Variants in YIPF4 observed in about 807,000 individuals in gnomAD.
The protein encoded by YIPF4 is Yip1 domain family member 4, also known as protein YIPF4.
A neutral mutation model predicts 29.4 loss-of-function variants in YIPF4; 18 were observed. That is an observed-to-expected ratio of 0.61 (90% CI 0.42 to 0.91). The LOEUF is 0.91. YIPF4 is among the 40% of genes least tolerant of loss of function. YIPF4 has a pLI of 0.00. For missense variants in YIPF4, 279 were observed against 282.7 expected, an observed-to-expected ratio of 0.99 and a Z score of 0.09; for synonymous variants, 115 against 104.7, an observed-to-expected ratio of 1.10 and a Z score of -0.60.
At chr2:32,287,340 A>C (rs1343012735) in intron 1 of YIPF4, among the ~76,000 whole-genome samples, 2 of 152,174 alleles carry the variant, frequency 1.3e-5, no homozygotes, top group African/African-American at 2.4e-5. Context: ...TCTGTGGCAC[A>C]TATACACAAC....
Position 32,283,394 on chromosome 2 carries a change from C to T in YIPF4, c.79+5160C>T, listed in dbSNP as rs550302726. Among the ~76,000 whole-genome samples, 16 of 152,232 alleles carry T rather than the reference C, an allele frequency of 1.1e-4. No homozygotes were observed. In the East Asian group the frequency reaches 2.5e-3, roughly 24 times the overall value. ...GTATAACCTTCCTTCTAGATTCTGT[C>T]CAAATCCCTCATTCTTAATGATAGC... On this transcript the variant is annotated intron_variant, in intron 1 of 5. Transcript: ENST00000238831.
intron 3 of YIPF4, among the ~76,000 whole-genome samples, chr2:32,292,629 G>A (rs535136506): frequency 2.0e-5 from 3 of 152,126 alleles, no homozygotes; most frequent in Admixed American, 2.0e-4. Context: ...TTGGGAGGCC[G>A]AGGTGGGTGG....
At chr2:32,300,020 A>G (rs914078177) in intron 4 of YIPF4, among the ~76,000 whole-genome samples, 11 of 152,106 alleles carry the variant, frequency 7.2e-5, no homozygotes, top group Non-Finnish European at 1.5e-4. Flanking sequence ...TCATCCCAGC[A>G]CTTTGGGAGG....
intron 3 of YIPF4, among the ~76,000 whole-genome samples, chr2:32,294,512 G>A (rs978915338): frequency 3.3e-5 from 5 of 150,992 alleles, no homozygotes; most frequent in African/African-American, 7.3e-5. Flanking sequence ...ATGGGATGGC[G>A]GCCGGGAAGA....
chr2:32,289,697 T>G (rs973712917), intron 1 of YIPF4, among the ~76,000 whole-genome samples: 2 of 152,228 alleles, frequency 1.3e-5, no homozygotes, highest in African/African-American at 4.8e-5. Flanking sequence ...CATGATTATC[T>G]GTAACCCCTG....
chr2:32,297,734 G>T (rs879498587), intron 3 of YIPF4, among the ~76,000 whole-genome samples: 2 of 152,038 alleles, frequency 1.3e-5, no homozygotes, highest in Non-Finnish European at 2.9e-5. Context: ...TGCTACTGGG[G>T]TATTATTTCT....
chr2:32,284,532 T>C (rs2030571027), intron 1 of YIPF4, among the ~76,000 whole-genome samples: 1 of 152,170 alleles, frequency 6.6e-6, no homozygotes, highest in Non-Finnish European at 1.5e-5. Context: ...TGTCTCTCCC[T>C]CCTCTGGCCA....
intron 1 of YIPF4, among the ~76,000 whole-genome samples, chr2:32,289,604 T>G (rs1161497467): frequency 6.6e-6 from 1 of 152,176 alleles, no homozygotes; most frequent in Non-Finnish European, 1.5e-5. Context: ...CAAATGTGCT[T>G]TTTCTTTTTA....
At position 32,308,402 on chromosome 2, in the gene YIPF4, C is replaced by G. The variant is rs2031641197; in HGVS notation, c.*2776C>G. On this transcript the variant is annotated 3_prime_UTR_variant, in exon 6 of 6. Coordinates refer to ENST00000238831, the MANE Select transcript of YIPF4 (RefSeq NM_032312.4). ...GGGATTACAGGTGTCAGCCACCGCA[C>G]CAGGCCAGTTCATTAGAATTTTTAA... The G allele has an allele frequency of 6.6e-6, 1 of 152,274 alleles. No individual in the cohort carries two copies. The highest frequency in any genetic ancestry group is 1.5e-5 in the Non-Finnish European group (1 of 68,216). The allele number at this position is 152,274 out of a possible 1,614,324, so 9.4% of individuals were successfully genotyped here.
intron 4 of YIPF4, among the ~76,000 whole-genome samples, chr2:32,301,133 T>C (rs2031388700): frequency 6.6e-6 from 1 of 152,190 alleles, no homozygotes; most frequent in African/African-American, 2.4e-5. Flanking sequence ...AAGAGAGAGG[T>C]AAATGCTGGA....
chr2:32,305,777 T>C lies in YIPF4; in HGVS notation c.*151T>C. On this transcript the variant is annotated 3_prime_UTR_variant, in exon 6 of 6. Coordinates refer to ENST00000238831, the MANE Select transcript of YIPF4 (RefSeq NM_032312.4). ...CTAAGCGCTTTTTAAAACAATTTTTTTTTGTATTTAATTAAGCAATTGCAG... is the reference window on the plus strand; with the variant it reads ...CTAAGCGCTTTTTAAAACAATTTTTCTTTGTATTTAATTAAGCAATTGCAG... The C allele has an allele frequency of 8.0e-7, 1 of 1,248,354 alleles. No individual in the cohort carries two copies. The highest frequency in any genetic ancestry group is 1.0e-6 in the Non-Finnish European group (1 of 997,658). The allele number at this position is 1,248,354 out of a possible 1,614,324, so 77.3% of individuals were successfully genotyped here. A position where few individuals can be genotyped will look rare whatever the true frequency, so the allele number is the denominator to read the frequency against.
intron 2 of YIPF4, among the ~76,000 whole-genome samples, chr2:32,291,960 A>G (rs928177601): frequency 7.2e-5 from 11 of 152,232 alleles, no homozygotes; most frequent in Non-Finnish European, 4.4e-5. Context: ...GACGATTGTA[A>G]GACTCCAGTG....
In YIPF4 at chr2:32,292,321, C is replaced by T. The variant is rs2030954290; in HGVS notation, c.378C>T (p.Ser126=). 15 of 1,597,710 alleles carry T rather than the reference C, an allele frequency of 9.4e-6. No homozygotes were observed. The highest frequency in any genetic ancestry group is 1.3e-5 in the Non-Finnish European group (15 of 1,172,256). The change falls in exon 3 of 6, where the codon TCC becomes TCT. Residue 126 remains serine, a synonymous_variant. Transcript: ENST00000238831. ...WGPLAVVLFF[S]MISLYGQFRV... Reference sequence around the variant, plus strand: ...CTCTGGCTGTTGTTCTTTTCTTTTCCATGATATCATTATATGGACAGTTTA... The same window carrying T: ...CTCTGGCTGTTGTTCTTTTCTTTTCTATGATATCATTATATGGACAGTTTA...
chr2:32,278,076 C>G lies in YIPF4; in HGVS notation c.-80C>G. 2 of 1,277,026 alleles carry G rather than the reference C, an allele frequency of 1.6e-6. No homozygotes were observed. The highest frequency in any genetic ancestry group is 2.1e-6 in the Non-Finnish European group (2 of 933,296). 79.1% of individuals were successfully genotyped at this position (1,277,026 alleles called of 1,614,324 possible). On this transcript the variant is annotated 5_prime_UTR_variant, in exon 1 of 6. Coordinates refer to ENST00000238831, the MANE Select transcript of YIPF4 (RefSeq NM_032312.4). ...TAGGCCGCACCGTAGGGCGAGCGTG[C>G]GGGTCGCCGCCGCGGCCGCCTCGGG...
rs2030997858 is a variant in YIPF4 at position 32,293,197 on chromosome 2, G to A, written c.405+849G>A. ...TAAACAAGTGAACAAAGAAACAAGT[G>A]AACAAAGGTCTCTGGTTTTCCTAGG... On this transcript the variant is annotated intron_variant, in intron 3 of 5. Coordinates refer to ENST00000238831, the MANE Select transcript of YIPF4 (RefSeq NM_032312.4). Among the ~76,000 whole-genome samples the A allele has an allele frequency of 2.0e-5, 3 of 152,056 alleles. No individual in the cohort carries two copies. In the South Asian group the frequency reaches 6.2e-4, roughly 31 times the overall value.
chr2:32,306,090 C>A lies in YIPF4; in HGVS notation c.*464C>A. The A allele has an allele frequency of 1.3e-6, 1 of 792,014 alleles. No individual in the cohort carries two copies. Among genetic ancestry groups the A allele is most frequent in the Non-Finnish European group, 1.5e-6 (1 of 654,090 alleles). 49.1% of individuals were successfully genotyped at this position (792,014 alleles called of 1,614,324 possible). A position where few individuals can be genotyped will look rare whatever the true frequency, so the allele number is the denominator to read the frequency against. On this transcript the variant is annotated 3_prime_UTR_variant, in exon 6 of 6. Coordinates refer to ENST00000238831, the MANE Select transcript of YIPF4 (RefSeq NM_032312.4). ...ATATTTATGAAATAATTCTTACTCACAAAATATATTTCTGATAAACATTAA... is the reference window on the plus strand; with the variant it reads ...ATATTTATGAAATAATTCTTACTCAAAAAATATATTTCTGATAAACATTAA...
intron 1 of YIPF4, among the ~76,000 whole-genome samples, chr2:32,279,243 T>C (rs2030265572): frequency 6.6e-6 from 1 of 151,946 alleles, no homozygotes; most frequent in Admixed American, 6.6e-5. Context: ...AGTGCTGGGA[T>C]TACCGGCGTG....
chr2:32,306,313 T>G lies in YIPF4; in HGVS notation c.*687T>G. The G allele has an allele frequency of 1.0e-6, 1 of 985,756 alleles. No individual in the cohort carries two copies. 61.1% of individuals were successfully genotyped at this position (985,756 alleles called of 1,614,324 possible). On this transcript the variant is annotated 3_prime_UTR_variant, in exon 6 of 6. Coordinates refer to ENST00000238831, the MANE Select transcript of YIPF4 (RefSeq NM_032312.4). ...ATATATTTGGTTTGTTTGGGTATAC[T>G]TTTCAAAACCATTTTTGAATGTCCA... is the stretch of plus-strand genomic sequence containing the variant.
At position 32,311,630 on chromosome 2, in the gene YIPF4, G is replaced by A. The variant is rs117950989; in HGVS notation, c.*6004G>A. 6.6e-6 allele frequency: 1 copy of A among 152,266 alleles called. No individual in the cohort carries two copies. Among genetic ancestry groups the A allele is most frequent in the East Asian group, 1.9e-4 (1 of 5,190 alleles). The allele number at this position is 152,266 out of a possible 1,614,324, so 9.4% of individuals were successfully genotyped here. A position where few individuals can be genotyped will look rare whatever the true frequency, so the allele number is the denominator to read the frequency against. On this transcript the variant is annotated 3_prime_UTR_variant, in exon 6 of 6. Coordinates refer to ENST00000238831, the MANE Select transcript of YIPF4 (RefSeq NM_032312.4). ...AAAATATTTTGAAGTTGTAATTAGT[G>A]TATATACAAGTTGTTAATACTTACG...
Sources: allele counts gnomAD v4.1 joint callset (sites outside exome capture counted in the v4.1 genomes callset), GRCh38; gene constraint gnomAD v4.1.1; transcripts MANE v1.5; gene names NCBI Gene and HGNC (gene_info 2026-07-23, HGNC 2026-07-21).